CDK6: variants seen among roughly 807,000 people sequenced by gnomAD.
CDK6 encodes cyclin-dependent kinase 6.
Under a neutral mutation model 37.1 loss-of-function variants are expected in CDK6, and 6 were observed. The ratio of observed to expected loss-of-function variants is 0.16; its 90% CI spans 0.09 to 0.32. The LOEUF (loss-of-function observed/expected upper bound fraction) is 0.32, where lower values mean the gene tolerates loss of function less well. CDK6 is among the 10% of genes least tolerant of loss of function. The pLI is 1.00. For missense variants in CDK6, 224 were observed against 418.9 expected, an observed-to-expected ratio of 0.53 and a Z score of 4.06; for synonymous variants, 160 against 161.3, an observed-to-expected ratio of 0.99 and a Z score of 0.06.
At chr7:92,725,162 T>G in intron 4 of CDK6, 1 of 985,424 alleles carries the variant, frequency 1.0e-6, no homozygotes, top group South Asian at 4.7e-5. Context: ...TGAATTTGAT[T>G]TCTTCTTTAC....
chr7:92,822,413 G>T (rs1364465631), intron 2 of CDK6, among the ~76,000 whole-genome samples: 1 of 151,844 alleles, frequency 6.6e-6, no homozygotes, highest in African/African-American at 2.4e-5. Flanking sequence ...ATGCAATACT[G>T]AGTGAATAGA....
chr7:92,720,870 G>A (rs564456432), intron 4 of CDK6, among the ~76,000 whole-genome samples: 4 of 152,216 alleles, frequency 2.6e-5, no homozygotes, highest in African/African-American at 7.2e-5. Context: ...TCATTGTACC[G>A]AACAGGTGTA....
At chr7:92,669,010 A>G (rs886303118) in intron 5 of CDK6, among the ~76,000 whole-genome samples, 5 of 152,186 alleles carry the variant, frequency 3.3e-5, no homozygotes, top group Non-Finnish European at 5.9e-5. Context: ...GTGCCAAAGG[A>G]TCTCTACCCA....
rs374616572 is a variant in CDK6, at chr7:92,746,029, C to T, written c.370-20236G>A. Among the ~76,000 whole-genome samples the T allele has an allele frequency of 1.8e-3, 272 of 152,226 alleles. 1 individual carries two copies. The highest frequency in any genetic ancestry group is 5.7e-3 in the African/African-American group (236 of 41,532). On this transcript the variant is annotated intron_variant, in intron 3 of 7. Transcript: ENST00000424848. ...TTCAGATAAATGGAACCAACCAGAC[C>T]GTACCTACAGTCCAAAAAATGGCTT...
intron 3 of CDK6, among the ~76,000 whole-genome samples, chr7:92,737,226 T>C (rs1392295492): frequency 1.3e-5 from 2 of 152,198 alleles, no homozygotes; most frequent in Non-Finnish European, 2.9e-5. Flanking sequence ...ATCCACTGAA[T>C]TTTCCCCAGT....
chr7:92,729,189 C>T (rs897636835), intron 3 of CDK6, among the ~76,000 whole-genome samples: 5 of 152,146 alleles, frequency 3.3e-5, no homozygotes, highest in Non-Finnish European at 7.4e-5. Context: ...TCTACGTAAG[C>T]TTATGATCTG....
intron 3 of CDK6, among the ~76,000 whole-genome samples, chr7:92,739,288 A>G (rs1201231115): frequency 6.6e-6 from 1 of 152,222 alleles, no homozygotes; most frequent in Admixed American, 6.5e-5. Flanking sequence ...ATCCCCAGTC[A>G]TAAGGCAGCT....
intron 5 of CDK6, among the ~76,000 whole-genome samples, chr7:92,639,500 C>T (rs1396876896): frequency 6.6e-6 from 1 of 152,208 alleles, no homozygotes; most frequent in Non-Finnish European, 1.5e-5. Flanking sequence ...GGCTTTGGTG[C>T]TTAAAGCCTT....
chr7:92,715,142 G>T (rs570643682), intron 4 of CDK6, among the ~76,000 whole-genome samples: 12 of 151,896 alleles, frequency 7.9e-5, no homozygotes, highest in African/African-American at 2.9e-4. Context: ...TCAAAGCATT[G>T]GTAACATTTA....
intron 4 of CDK6, among the ~76,000 whole-genome samples, chr7:92,717,959 G>A (rs962468708): frequency 5.3e-5 from 8 of 152,148 alleles, no homozygotes; most frequent in African/African-American, 1.4e-4. Context: ...TAACTCAAAT[G>A]TGTTTTATTA....
At chr7:92,630,685 C>T (rs1303791197) in intron 5 of CDK6, among the ~76,000 whole-genome samples, 3 of 152,222 alleles carry the variant, frequency 2.0e-5, no homozygotes, top group South Asian at 2.1e-4. Flanking sequence ...CTCAACACTC[C>T]GGGGAATACT....
chr7:92,725,561 G>A (rs2116708817), intron 4 of CDK6, 65 bp downstream of exon 4: 1 of 1,488,976 alleles, frequency 6.7e-7, no homozygotes, highest in South Asian at 1.2e-5. Flanking sequence ...ACATGGAAGA[G>A]GGACAGACTG....
intron 2 of CDK6, among the ~76,000 whole-genome samples, chr7:92,803,620 G>A (rs1488872846): frequency 6.6e-6 from 1 of 152,118 alleles, no homozygotes; most frequent in Non-Finnish European, 1.5e-5. Flanking sequence ...GAAGAGCTTT[G>A]GACCACAAAT....
chr7:92,718,101 T>A (rs529795009), intron 4 of CDK6, among the ~76,000 whole-genome samples: 1 of 152,164 alleles, frequency 6.6e-6, no homozygotes, highest in Non-Finnish European at 1.5e-5. Context: ...ACTGCCCCCA[T>A]TGTGTTCCAC....
In CDK6 at chr7:92,607,766, T is replaced by A. The variant is rs547745351; in HGVS notation, c.*7374A>T. ...AGGTGCTGTTCCTGGGGGTAGCTGA[T>A]GCTATAAATTCCATGTACTAACTAA... is the stretch of plus-strand genomic sequence containing the variant. On this transcript the variant is annotated 3_prime_UTR_variant, in exon 8 of 8. Transcript: ENST00000424848. 7.7e-5 allele frequency: 18 copies of A among 232,854 alleles called. No individual in the cohort carries two copies. The highest frequency in any genetic ancestry group is 4.0e-4 in the African/African-American group (18 of 45,432). The allele number at this position is 232,854 out of a possible 1,614,324, so 14.4% of individuals were successfully genotyped here.
At chr7:92,819,431 A>G (rs530230947) in intron 2 of CDK6, among the ~76,000 whole-genome samples, 1 of 152,196 alleles carries the variant, frequency 6.6e-6, no homozygotes, top group African/African-American at 2.4e-5. Flanking sequence ...TAATGCGAGT[A>G]TTTTAGATAT....
At chr7:92,801,655 CTCTTTCTT>C (rs374689250) in intron 2 of CDK6, among the ~76,000 whole-genome samples, 4 of 151,132 alleles carry the variant, frequency 2.6e-5, no homozygotes, top group South Asian at 2.1e-4. Context: ...CTCTCTTTCT[CTCTTTCTT>C]TCTTTTGGAG....
intron 3 of CDK6, among the ~76,000 whole-genome samples, chr7:92,749,661 C>T (rs1249726435): frequency 1.3e-5 from 2 of 152,172 alleles, no homozygotes; most frequent in African/African-American, 4.8e-5. Flanking sequence ...TCTGACTGCT[C>T]TGCAGCACTT....
chr7:92,648,878 G>C (rs1796508132), intron 5 of CDK6, among the ~76,000 whole-genome samples: 1 of 151,924 alleles, frequency 6.6e-6, no homozygotes, highest in Admixed American at 6.6e-5. Flanking sequence ...ATATACATTT[G>C]GGATATGTAA....
Sources: gnomAD v4.1 joint callset for allele counts (sites outside exome capture counted in the v4.1 genomes callset) on GRCh38, gnomAD v4.1.1 for gene constraint, MANE v1.5 for transcripts, NCBI Gene and HGNC (gene_info 2026-07-23, HGNC 2026-07-21) for gene names.